Variants in CAPN5 observed in about 807,000 individuals in gnomAD.
The protein encoded by CAPN5 is calpain-5.
A neutral mutation model predicts 73.0 loss-of-function variants in CAPN5; 54 were observed. The observed-to-expected ratio is 0.74, with a 90% CI of 0.59 to 0.93. CAPN5 has a LOEUF of 0.93. Among genes scored for constraint, CAPN5 ranks in the 40% least tolerant of loss-of-function variants. The pLI is 0.00. For missense variants in CAPN5, 785 were observed against 882.9 expected, an observed-to-expected ratio of 0.89 and a Z score of 1.41; for synonymous variants, 335 against 356.9, an observed-to-expected ratio of 0.94 and a Z score of 0.69.
At chr11:77,097,489 T>TTTTA (rs869143993) in intron 3 of CAPN5, among the ~76,000 whole-genome samples, 2 of 135,332 alleles carry the variant, frequency 1.5e-5, no homozygotes, top group Non-Finnish European at 3.1e-5. Context: ...TTTTTTTTTT[T>TTTTA]ATTGATAATT....
At chr11:77,117,692 G>A (rs954895008) in intron 7 of CAPN5, among the ~76,000 whole-genome samples, 1 of 152,180 alleles carries the variant, frequency 6.6e-6, no homozygotes, top group Non-Finnish European at 1.5e-5. Flanking sequence ...CCTGGCCACC[G>A]CAGCAGGCTC....
intron 3 of CAPN5, among the ~76,000 whole-genome samples, chr11:77,106,157 G>T (rs560744545): frequency 6.6e-6 from 1 of 152,028 alleles, no homozygotes; most frequent in Non-Finnish European, 1.5e-5. Flanking sequence ...CACTCTCCTG[G>T]GTCACACAGC....
At chr11:77,120,045 AT>A (rs1200302202) in intron 9 of CAPN5, 1 of 151,928 alleles carries the variant, frequency 6.6e-6, no homozygotes, top group Non-Finnish European at 1.5e-5. Context: ...ATTGCCCTCT[AT>A]TTTTTTTGTT....
chr11:77,077,335 C>T (rs553427308), intron 1 of CAPN5, among the ~76,000 whole-genome samples: 8 of 151,694 alleles, frequency 5.3e-5, no homozygotes, highest in African/African-American at 1.7e-4. Flanking sequence ...TGAGCCTGGG[C>T]GACAGAGCGA....
intron 3 of CAPN5, among the ~76,000 whole-genome samples, chr11:77,101,207 G>A (rs1418294703): frequency 3.3e-5 from 5 of 152,150 alleles, no homozygotes; most frequent in Admixed American, 6.5e-5. Flanking sequence ...GGCAGGCCCC[G>A]TTCTGGTTGC....
intron 3 of CAPN5, among the ~76,000 whole-genome samples, chr11:77,106,872 T>C (rs1207966638): frequency 6.6e-6 from 1 of 152,224 alleles, no homozygotes; most frequent in Non-Finnish European, 1.5e-5. Context: ...CTGGCCTGGC[T>C]CTGTGGTCCG....
At chr11:77,109,946 C>G (rs1950394765) in intron 3 of CAPN5, among the ~76,000 whole-genome samples, 1 of 152,164 alleles carries the variant, frequency 6.6e-6, no homozygotes, top group Admixed American at 6.5e-5. Context: ...CCAGAGCATT[C>G]AGAACAGGGC....
intron 4 of CAPN5, among the ~76,000 whole-genome samples, chr11:77,113,217 G>A (rs1950429832): frequency 6.6e-6 from 1 of 152,214 alleles, no homozygotes; most frequent in Non-Finnish European, 1.5e-5. Context: ...CCGCCTGCTG[G>A]GCCTCCCTCT....
chr11:77,118,007 G>A (rs2135483303), intron 7 of CAPN5, 150 bp from the exon 8 acceptor site: 2 of 647,764 alleles, frequency 3.1e-6, no homozygotes, highest in East Asian at 2.7e-5. Flanking sequence ...TGCCATGCCT[G>A]TGCCCTTGTG....
rs533127904 is a variant in CAPN5 at position 77,106,843 on chromosome 11, C to T, written c.298-5746C>T. Among the ~76,000 whole-genome samples the T allele has an allele frequency of 7.2e-5, 11 of 152,352 alleles. No homozygotes were observed. In the East Asian group the frequency reaches 1.9e-3, roughly 27 times the overall value. On this transcript the variant is annotated intron_variant, in intron 3 of 12. Coordinates refer to ENST00000648180, the MANE Select transcript of CAPN5 (RefSeq NM_004055.5). ...AGTGCCGATGGCAGCAGGCGCAGGG[C>T]GGAGGGGTGGGCAGGAACCTGGCCT...
Position 77,084,990 on chromosome 11 carries a change from C to T in CAPN5, c.104C>T (p.Thr35Ile), listed in dbSNP as rs782229213. 5 of 1,613,770 alleles carry T rather than the reference C, an allele frequency of 3.1e-6. No individual in the cohort carries two copies. Among genetic ancestry groups the T allele is most frequent in the Middle Eastern group, 1.6e-4 (1 of 6,084 alleles). The change falls in exon 2 of 13, where the codon ACT becomes ATT. Residue 35 changes from threonine to isoleucine, a missense_variant. Transcript: ENST00000648180. Reference protein sequence around the residue: ...VLFEDPLFPATDDSLYYKGTP... With the variant: ...VLFEDPLFPAIDDSLYYKGTP... Reference sequence around the variant, plus strand: ...TTCGAGGACCCCCTCTTCCCCGCCACTGACGACTCACTCTACTATAAGGGC... The same window carrying T: ...TTCGAGGACCCCCTCTTCCCCGCCATTGACGACTCACTCTACTATAAGGGC...
intron 1 of CAPN5, chr11:77,073,131 C>T: frequency 7.8e-7 from 1 of 1,288,898 alleles, no homozygotes; most frequent in Non-Finnish European, 1.0e-6. Flanking sequence ...GGACTGGGAG[C>T]CCCGAGGTAG....
At chr11:77,079,863 C>G (rs1298968898) in intron 1 of CAPN5, among the ~76,000 whole-genome samples, 1 of 151,804 alleles carries the variant, frequency 6.6e-6, no homozygotes, top group Non-Finnish European at 1.5e-5. Flanking sequence ...ATAGCAGTAT[C>G]TCATTGTGGT....
At chr11:77,073,585 C>T (rs1373273576) in intron 1 of CAPN5, among the ~76,000 whole-genome samples, 1 of 152,200 alleles carries the variant, frequency 6.6e-6, no homozygotes, top group Non-Finnish European at 1.5e-5. Context: ...GGCTGCAGGA[C>T]CACCATTCCC....
At position 77,115,378 on chromosome 11, in the gene CAPN5, A is replaced by G. The variant is rs782564891; in HGVS notation, c.700-17A>G. On this transcript the variant is annotated splice_polypyrimidine_tract_variant and intron_variant, in intron 5 of 12. Transcript: ENST00000648180. ...CAGTGTGGCCCTGCCTCTCTGAGCA[A>G]CTGTGTCCCTCCACAGGCAGTGACA... The G allele has an allele frequency of 6.3e-6, 10 of 1,588,590 alleles. No individual in the cohort carries two copies. In the African/African-American group the frequency reaches 9.4e-5, roughly 15 times the overall value.
Position 77,102,754 on chromosome 11 carries a change from G to GC in CAPN5, c.297+8947dup, listed in dbSNP as rs35544168. ...GAGGGAAGGGCAGAAAGTAGGTGGG[G>GC]CCCCCCTTTGGTGGCCTCTTCTCTC... On this transcript the variant is annotated intron_variant, in intron 3 of 12. Transcript: ENST00000648180. The GC allele has an allele frequency of 2.8e-6, 4 of 1,429,258 alleles. 1 individual carries two copies. The highest frequency in any genetic ancestry group is 2.7e-5 in the Admixed American group (1 of 37,176). The allele number at this position is 1,429,258 out of a possible 1,614,324, so 88.5% of individuals were successfully genotyped here.
At chr11:77,118,693 T>C (rs1950492568) in intron 8 of CAPN5, among the ~76,000 whole-genome samples, 1 of 152,230 alleles carries the variant, frequency 6.6e-6, no homozygotes, top group Non-Finnish European at 1.5e-5. Flanking sequence ...TTCTGGGAAC[T>C]TGGCTGGGCT....
chr11:77,097,464 GT>G (rs58077755), intron 3 of CAPN5, among the ~76,000 whole-genome samples: 4,285 of 79,682 alleles, frequency 0.054, 104 homozygotes, highest in Admixed American at 0.15. Flanking sequence ...TTTCCTTCTA[GT>G]TTTTTTTTTT....
intron 1 of CAPN5, among the ~76,000 whole-genome samples, chr11:77,079,455 G>A (rs1352105762): frequency 6.6e-6 from 1 of 152,078 alleles, no homozygotes; most frequent in Admixed American, 6.5e-5. Context: ...AGGGTTGTGT[G>A]CAACAACAAT....
Sources: allele counts gnomAD v4.1 joint callset (sites outside exome capture counted in the v4.1 genomes callset), GRCh38; gene constraint gnomAD v4.1.1; transcripts MANE v1.5; gene names NCBI Gene and HGNC (gene_info 2026-07-23, HGNC 2026-07-21).